The following ADAMTSL1 variants were observed in gnomAD, a reference collection of about 807,000 sequenced individuals.
ADAMTSL1 encodes ADAMTS like 1, also known as ADAMTS-like protein 1.
In ADAMTSL1, 126 loss-of-function variants were observed where a neutral mutation model predicts 201.8. The ratio of observed to expected loss-of-function variants is 0.62; its 90% CI spans 0.54 to 0.72. The LOEUF is 0.72. Ranked by LOEUF, ADAMTSL1 falls within the 30% of genes least tolerant of loss-of-function variation. ADAMTSL1 has a pLI of 0.00. For synonymous variants in ADAMTSL1, 1,121 were observed against 903.4 expected (o/e 1.24, Z -4.32); for missense variants, 2,679 against 2,277.8 (o/e 1.18, Z -3.59).
intron 2 of ADAMTSL1, among the ~76,000 whole-genome samples, chr9:18,213,369 G>A (rs899106845): frequency 1.3e-5 from 2 of 152,062 alleles, no homozygotes; most frequent in Non-Finnish European, 2.9e-5. Context: ...GGTATCCTTC[G>A]GAGAACAAAA....
intron 1 of ADAMTSL1, among the ~76,000 whole-genome samples, chr9:17,955,274 G>A (rs980728131): frequency 6.6e-6 from 1 of 152,140 alleles, no homozygotes; most frequent in Admixed American, 6.5e-5. Context: ...CAACTAAGTG[G>A]CTCATCTCTT....
chr9:18,237,255 C>G (rs1830884691), intron 2 of ADAMTSL1, among the ~76,000 whole-genome samples: 1 of 152,182 alleles, frequency 6.6e-6, no homozygotes, highest in Admixed American at 6.5e-5. Context: ...CCTGGAATGA[C>G]CACTGTGTGT....
chr9:18,631,548 T>C (rs1262289770), intron 5 of ADAMTSL1, among the ~76,000 whole-genome samples: 1 of 152,174 alleles, frequency 6.6e-6, no homozygotes, highest in Non-Finnish European at 1.5e-5. Context: ...GAAGAGTCTT[T>C]AAAAACATGA....
intron 3 of ADAMTSL1, 148 bp from the exon 4 acceptor site, chr9:18,573,882 C>T (rs904358191): frequency 7.9e-6 from 5 of 635,584 alleles, no homozygotes; most frequent in African/African-American, 1.8e-5. Context: ...ATCATATAAC[C>T]TCTAAGATGA....
chr9:18,841,036 C>T (rs1441340552), intron 23 of ADAMTSL1, among the ~76,000 whole-genome samples: 1 of 145,532 alleles, frequency 6.9e-6, no homozygotes, highest in African/African-American at 2.6e-5. Context: ...ATTTCCTTCT[C>T]CTGCCGAATT....
chr9:17,958,253 G>A (rs1261949766), intron 1 of ADAMTSL1, among the ~76,000 whole-genome samples: 2 of 152,218 alleles, frequency 1.3e-5, no homozygotes, highest in Admixed American at 1.3e-4. Flanking sequence ...TTACAGCAGT[G>A]TGGTATTTCA....
intron 1 of ADAMTSL1, among the ~76,000 whole-genome samples, chr9:17,936,734 A>G (rs1827024510): frequency 6.6e-6 from 1 of 151,976 alleles, no homozygotes; most frequent in Non-Finnish European, 1.5e-5. Flanking sequence ...GCTGCCAAAT[A>G]TCTCCCCAAC....
In ADAMTSL1 at chr9:18,436,758, A is replaced by G. The variant is rs145736390; in HGVS notation, c.208-68071A>G. On this transcript the variant is annotated intron_variant, in intron 2 of 29. Transcript: ENST00000680146. ...CCTCTTTAGTTTCCAGAACCACATC[A>G]TTTTTTCTCAGCCATCATCATGGAA... Among the ~76,000 whole-genome samples, 137 of 151,558 alleles carry G rather than the reference A, an allele frequency of 9.0e-4. 1 individual carries two copies. The highest frequency in any genetic ancestry group is 3.2e-3 in the African/African-American group (132 of 41,272).
chr9:18,745,342 G>C (rs1819076165), intron 15 of ADAMTSL1, among the ~76,000 whole-genome samples: 1 of 152,134 alleles, frequency 6.6e-6, no homozygotes, highest in Non-Finnish European at 1.5e-5. Context: ...TTTGCTCAAA[G>C]GATTAAAATA....
chr9:18,344,773 C>T (rs772505840), intron 2 of ADAMTSL1, among the ~76,000 whole-genome samples: 1 of 152,074 alleles, frequency 6.6e-6, no homozygotes, highest in African/African-American at 2.4e-5. Context: ...GAGGTGGAAA[C>T]ATCAGTAGCA....
At chr9:17,926,253 T>C (rs1208916855) in intron 1 of ADAMTSL1, among the ~76,000 whole-genome samples, 1 of 152,186 alleles carries the variant, frequency 6.6e-6, no homozygotes, top group Non-Finnish European at 1.5e-5. Flanking sequence ...TGCTTATTTA[T>C]TGGTATAAGA....
chr9:17,977,409 G>C (rs529087526), intron 1 of ADAMTSL1, among the ~76,000 whole-genome samples: 1 of 152,020 alleles, frequency 6.6e-6, no homozygotes, highest in Non-Finnish European at 1.5e-5. Flanking sequence ...TTCTTTAAAT[G>C]TTTAGTAAAA....
chr9:18,090,047 A>T (rs1473025274), intron 1 of ADAMTSL1, among the ~76,000 whole-genome samples: 1 of 152,170 alleles, frequency 6.6e-6, no homozygotes, highest in Non-Finnish European at 1.5e-5. Context: ...TTTAGTTTAA[A>T]TGCTTGGTAT....
chr9:18,527,481 C>A (rs1263199715), intron 2 of ADAMTSL1, among the ~76,000 whole-genome samples: 1 of 151,866 alleles, frequency 6.6e-6, no homozygotes, highest in African/African-American at 2.4e-5. Context: ...AAATGCATGC[C>A]CCTTTTTAAA....
Position 18,574,268 on chromosome 9 carries a change from T to G in ADAMTSL1, c.474+2T>G. ...ATGTGCATCAGTGGTTTATGCCAAG[T>G]AAGTGCTGATTTGTTCTCATTCAAC... On this transcript the variant is annotated splice_donor_variant, in intron 4 of 28. Coordinates refer to ENST00000380548, the MANE Select transcript of ADAMTSL1 (RefSeq NM_001040272.6). LOFTEE classifies it high-confidence loss of function. The G allele has an allele frequency of 6.2e-7, 1 of 1,611,826 alleles. No individual in the cohort carries two copies. The highest frequency in any genetic ancestry group is 1.1e-5 in the South Asian group (1 of 91,024).
intron 2 of ADAMTSL1, among the ~76,000 whole-genome samples, chr9:18,240,236 G>A (rs1474411761): frequency 1.3e-5 from 2 of 152,116 alleles, no homozygotes; most frequent in Non-Finnish European, 2.9e-5. Flanking sequence ...CAGAATGGAT[G>A]TTGTATTAGC....
chr9:18,721,332 G>C (rs534112161), intron 14 of ADAMTSL1, among the ~76,000 whole-genome samples: 25 of 152,138 alleles, frequency 1.6e-4, no homozygotes, highest in African/African-American at 6.0e-4. Context: ...GCTCACAGAG[G>C]CAACAAGCTT....
intron 1 of ADAMTSL1, among the ~76,000 whole-genome samples, chr9:17,920,236 A>T (rs183029766): frequency 9.2e-5 from 14 of 152,300 alleles, no homozygotes; most frequent in Admixed American, 2.0e-4. Flanking sequence ...CAAAGGCATA[A>T]TAACAATCAG....
intron 2 of ADAMTSL1, among the ~76,000 whole-genome samples, chr9:18,334,213 G>A (rs1306706005): frequency 1.3e-5 from 2 of 152,052 alleles, no homozygotes; most frequent in African/African-American, 4.8e-5. Context: ...TCTGCCTTTG[G>A]TCCCAGGAGT....
Sources: gnomAD v4.1 joint callset for allele counts (sites outside exome capture counted in the v4.1 genomes callset) on GRCh38, gnomAD v4.1.1 for gene constraint, MANE v1.5 for transcripts, NCBI Gene and HGNC (gene_info 2026-07-23, HGNC 2026-07-21) for gene names.